The following DIP2B variants were observed in gnomAD, a reference collection of about 807,000 sequenced individuals.
DIP2B encodes DIP2 acetate--CoA ligase B (putative), also known as disco-interacting protein 2 homolog B.
A neutral mutation model predicts 198.0 loss-of-function variants in DIP2B; 76 were observed. That is an observed-to-expected ratio of 0.38 (90% CI 0.32 to 0.46). The LOEUF (loss-of-function observed/expected upper bound fraction) is 0.46, where lower values mean the gene tolerates loss of function less well. Among genes scored for constraint, DIP2B ranks in the 20% least tolerant of loss-of-function variants. The pLI, the probability that DIP2B is intolerant of heterozygous loss-of-function variation, is 0.99. For synonymous variants in DIP2B, 701 were observed against 739.1 expected, an observed-to-expected ratio of 0.95 and a Z score of 0.84; for missense variants, 1,559 against 1,978.4, an observed-to-expected ratio of 0.79 and a Z score of 4.02.
At chr12:50,540,397 C>T (rs889132773) in intron 1 of DIP2B, among the ~76,000 whole-genome samples, 2 of 151,520 alleles carry the variant, frequency 1.3e-5, no homozygotes, top group African/African-American at 2.4e-5. Flanking sequence ...GCGTGAGCCA[C>T]CGTGCCCAGC....
intron 1 of DIP2B, among the ~76,000 whole-genome samples, chr12:50,584,984 T>A (rs1217599022): frequency 2.0e-5 from 3 of 152,230 alleles, no homozygotes; most frequent in Non-Finnish European, 4.4e-5. Context: ...TCTACCTTTT[T>A]TCCTGTCCCT....
chr12:50,704,788 A>G (rs1939484247), intron 20 of DIP2B, among the ~76,000 whole-genome samples: 1 of 152,146 alleles, frequency 6.6e-6, no homozygotes, highest in South Asian at 2.1e-4. Context: ...AACATGGCAA[A>G]TTCTGTGTCT....
chr12:50,661,702 G>A (rs950679349), intron 4 of DIP2B, among the ~76,000 whole-genome samples: 1 of 152,156 alleles, frequency 6.6e-6, no homozygotes, highest in Non-Finnish European at 1.5e-5. Context: ...ATGGACAAAG[G>A]GGGCTCTCAG....
chr12:50,627,608 T>G (rs931987130), intron 2 of DIP2B, among the ~76,000 whole-genome samples: 3 of 152,214 alleles, frequency 2.0e-5, no homozygotes, highest in Admixed American at 2.0e-4. Context: ...GGGTTATAGG[T>G]GTGAGCCACC....
At chr12:50,721,099 C>T (rs1280134304) in intron 25 of DIP2B, among the ~76,000 whole-genome samples, 174 bp from the exon 26 acceptor site, 2 of 152,196 alleles carry the variant, frequency 1.3e-5, no homozygotes, top group African/African-American at 4.8e-5. Context: ...TTGAGCCACC[C>T]TGTCCAGCCC....
At chr12:50,603,410 G>T (rs1243079999) in intron 1 of DIP2B, among the ~76,000 whole-genome samples, 2 of 152,076 alleles carry the variant, frequency 1.3e-5, no homozygotes, top group Non-Finnish European at 2.9e-5. Flanking sequence ...TACTGCCTAG[G>T]CTACGCAAGT....
rs78105525 is a variant in DIP2B, at chr12:50,731,246, A to C, written c.3642-123A>C. ...GAACAAGACTGATTCTTAGAGCTTT[A>C]TATCTCATATGTCCCTACACTGTCC... On this transcript the variant is annotated intron_variant, in intron 30 of 37. Transcript: ENST00000301180. 3.2e-4 allele frequency: 373 copies of C among 1,171,198 alleles called. 3 individuals carry two copies. In the East Asian group the frequency reaches 8.5e-3, roughly 27 times the overall value. The allele number at this position is 1,171,198 out of a possible 1,614,324, so 72.6% of individuals were successfully genotyped here.
intron 22 of DIP2B, among the ~76,000 whole-genome samples, chr12:50,709,154 T>C (rs908254966): frequency 6.6e-6 from 1 of 152,244 alleles, no homozygotes; most frequent in Non-Finnish European, 1.5e-5. Flanking sequence ...ATATGTGCCC[T>C]TGGGCAAGTC....
intron 1 of DIP2B, among the ~76,000 whole-genome samples, chr12:50,513,415 C>G (rs1328165356): frequency 6.6e-6 from 1 of 152,124 alleles, no homozygotes; most frequent in Non-Finnish European, 1.5e-5. Context: ...CAGATTCAGG[C>G]AAATGCCTGT....
intron 1 of DIP2B, among the ~76,000 whole-genome samples, chr12:50,550,845 C>T (rs1336364467): frequency 1.3e-5 from 2 of 152,198 alleles, no homozygotes; most frequent in African/African-American, 4.8e-5. Context: ...GAAAGATGGT[C>T]CGACACAGTG....
At chr12:50,684,485 G>A (rs1262806143) in intron 10 of DIP2B, among the ~76,000 whole-genome samples, 1 of 152,204 alleles carries the variant, frequency 6.6e-6, no homozygotes, top group Non-Finnish European at 1.5e-5. Flanking sequence ...ATATGTTGGA[G>A]GATGTGGATT....
chr12:50,523,798 A>G (rs1958140400), intron 1 of DIP2B, among the ~76,000 whole-genome samples: 1 of 152,226 alleles, frequency 6.6e-6, no homozygotes, highest in African/African-American at 2.4e-5. Context: ...AGCTTAGTTC[A>G]GTTGTCTTCC....
chr12:50,547,653 A>G (rs1163015727), intron 1 of DIP2B, among the ~76,000 whole-genome samples: 9 of 151,660 alleles, frequency 5.9e-5, no homozygotes, highest in Non-Finnish European at 1.3e-4. Context: ...TAAAACTGCT[A>G]AAAAAAATAA....
At chr12:50,655,009 A>G (rs764571405) in intron 3 of DIP2B, 10 of 450,748 alleles carry the variant, frequency 2.2e-5, no homozygotes, top group Non-Finnish European at 4.0e-5. Context: ...TTTTTTATTT[A>G]GAATTCTCTC....
At chr12:50,655,708 A>C (rs1427223376) in intron 3 of DIP2B, among the ~76,000 whole-genome samples, 1 of 152,240 alleles carries the variant, frequency 6.6e-6, no homozygotes, top group Non-Finnish European at 1.5e-5. Context: ...GGCTGGGTGC[A>C]GTGGCTCACG....
Position 50,724,844 on chromosome 12 carries a change from G to A in DIP2B, c.3358G>A (p.Ala1120Thr). Reference sequence around the variant, plus strand: ...GCTACTGAGGTCCCGAGAGGCAGCAGCAGCTGTGGATGTGAAAACCTGGCC... The same window carrying A: ...GCTACTGAGGTCCCGAGAGGCAGCAACAGCTGTGGATGTGAAAACCTGGCC... ...MRLLRSREAA[A>T]AVDVKTWPTI... is the part of the protein sequence containing the mutation. The change falls in exon 28 of 38, where the codon GCA (alanine) becomes ACA (threonine). Residue 1120 changes from alanine (A) to threonine (T), a missense_variant. Coordinates refer to ENST00000301180, the MANE Select transcript of DIP2B (RefSeq NM_173602.3). 1 of 1,614,204 alleles carries A rather than the reference G, an allele frequency of 6.2e-7. No individual in the cohort carries two copies. The highest frequency in any genetic ancestry group is 1.3e-5 in the African/African-American group (1 of 75,058).
At chr12:50,521,092 CAGTTT>C (rs1199953307) in intron 1 of DIP2B, among the ~76,000 whole-genome samples, 37 of 122,596 alleles carry the variant, frequency 3.0e-4, no homozygotes, top group Non-Finnish European at 5.4e-4. Context: ...TATTCAGCAA[CAGTTT>C]TTTTTTTTTT....
At chr12:50,705,630 C>T (rs759025404) in intron 20 of DIP2B, among the ~76,000 whole-genome samples, 8 of 152,202 alleles carry the variant, frequency 5.3e-5, no homozygotes, top group African/African-American at 1.4e-4. Context: ...CTACTGTGAA[C>T]GAAATGGAGA....
intron 9 of DIP2B, among the ~76,000 whole-genome samples, chr12:50,682,619 ACT>A (rs1179820570): frequency 8.4e-5 from 10 of 119,342 alleles, no homozygotes; most frequent in Non-Finnish European, 1.3e-4. Context: ...ACAGAGCGAG[ACT>A]CTGTCTCAAA....
Sources: allele counts gnomAD v4.1 joint callset (sites outside exome capture counted in the v4.1 genomes callset), GRCh38; gene constraint gnomAD v4.1.1; transcripts MANE v1.5; gene names NCBI Gene and HGNC (gene_info 2026-07-23, HGNC 2026-07-21).